The following OARD1 variants were observed in gnomAD, a reference collection of about 807,000 sequenced individuals.
OARD1 encodes the protein O-acyl-ADP-ribose deacylase 1.
Under a neutral mutation model 19.7 loss-of-function variants are expected in OARD1, and 19 were observed. The observed-to-expected ratio is 0.96, with a 90% CI of 0.67 to 1.41. The LOEUF is 1.41. Among genes scored for constraint, OARD1 ranks in the 40% most tolerant of loss-of-function variants. The pLI is 0.00. For synonymous variants in OARD1, 70 were observed against 61.8 expected, an observed-to-expected ratio of 1.13 and a Z score of -0.62; for missense variants, 190 against 183.8, an observed-to-expected ratio of 1.03 and a Z score of -0.20.
chr6:41,068,767 T>C (rs933991923), intron 5 of OARD1, 74 bp downstream of exon 5: 25 of 867,732 alleles, frequency 2.9e-5, no homozygotes, highest in Non-Finnish European at 3.6e-5. Flanking sequence ...AGCTTTTAAG[T>C]TGTTTGTCTT....
intron 1 of OARD1, chr6:41,083,983 C>A: frequency 6.8e-7 from 1 of 1,473,930 alleles, no homozygotes; most frequent in South Asian, 1.4e-5. Flanking sequence ...CAGTGATTGT[C>A]TTTTGGTAAA....
intron 1 of OARD1, among the ~76,000 whole-genome samples, chr6:41,085,570 A>G (rs927356980): frequency 6.6e-6 from 1 of 152,152 alleles, no homozygotes; most frequent in Non-Finnish European, 1.5e-5. Context: ...CTAAATGTTT[A>G]TATTGTTTCA....
chr6:41,089,984 G>A (rs893825576), intron 1 of OARD1, among the ~76,000 whole-genome samples: 1 of 152,170 alleles, frequency 6.6e-6, no homozygotes, highest in Admixed American at 6.5e-5. Context: ...GGTGGCGCAT[G>A]CCTGTAATCC....
At chr6:41,078,514 T>C (rs1413436137) in intron 1 of OARD1, among the ~76,000 whole-genome samples, 2 of 152,250 alleles carry the variant, frequency 1.3e-5, no homozygotes, top group Non-Finnish European at 2.9e-5. Flanking sequence ...GAAGTCTTTA[T>C]TAAAGGTTCT....
chr6:41,071,803 C>T (rs911064861), intron 1 of OARD1, 128 bp from the exon 2 acceptor site: 14 of 608,302 alleles, frequency 2.3e-5, no homozygotes, highest in African/African-American at 3.7e-5. Context: ...TTTGTTCGGC[C>T]CCTGGGACGT....
chr6:41,089,555 C>CT, intron 1 of OARD1: 1 of 1,591,096 alleles, frequency 6.3e-7, no homozygotes, highest in East Asian at 2.3e-5. Context: ...GAGTACAATC[C>CT]TTTTTTTATG....
chr6:41,073,777 T>G (rs1056562515), upstream of OARD1, among the ~76,000 whole-genome samples: 3 of 151,974 alleles, frequency 2.0e-5, no homozygotes, highest in East Asian at 5.8e-4. Flanking sequence ...CTCCCCCTGC[T>G]CCGCCGCGCC....
chr6:41,090,150 C>A, intron 1 of OARD1: 1 of 1,190,468 alleles, frequency 8.4e-7, no homozygotes, highest in South Asian at 1.2e-5. Context: ...CTACATCGTT[C>A]TTTGTTAGTA....
chr6:41,071,231 A>T lies in OARD1; in HGVS notation c.85T>A (p.Ser29Thr). 1.2e-6 allele frequency: 2 copies of T among 1,614,100 alleles called. No individual in the cohort carries two copies. Among genetic ancestry groups the T allele is most frequent in the African/African-American group, 1.3e-5 (1 of 75,064 alleles). The change falls in exon 3 of 6, where the codon TCT becomes ACT. Residue 29 changes from serine (S) to threonine (T), a missense_variant. Physicochemically the swap from Ser to Thr is moderately conservative, Grantham distance 58. Transcript: ENST00000424266. ...GDLFACPKTD[S>T]LAHCISEDCR... ...TCCTCACTGATACAGTGGGCTAAAG[A>T]GTCTGTTTTCGGGCATGCAAAAAGG... is the stretch of plus-strand genomic sequence containing the variant.
intron 1 of OARD1, among the ~76,000 whole-genome samples, chr6:41,082,934 C>T (rs370939755): frequency 5.5e-4 from 83 of 152,256 alleles, no homozygotes; most frequent in African/African-American, 1.7e-3. Context: ...GTGGCAGTGG[C>T]GGCGGTGGTG....
upstream of OARD1, chr6:41,075,494 G>A: frequency 6.6e-6 from 1 of 151,782 alleles, no homozygotes; most frequent in South Asian, 2.1e-4. Context: ...GCTTCCACCA[G>A]TCTGCAGAAG....
intron 2 of OARD1, 99 bp from the exon 3 acceptor site, chr6:41,071,375 G>A: frequency 8.2e-7 from 1 of 1,219,228 alleles, no homozygotes; most frequent in Non-Finnish European, 1.2e-6. Context: ...ACCTCTCCCG[G>A]CACCCCTTCC....
At chr6:41,070,794 C>T in intron 3 of OARD1, 1 of 510,470 alleles carries the variant, frequency 2.0e-6, no homozygotes, top group Admixed American at 3.8e-5. Flanking sequence ...GAAGAGGTTT[C>T]TAAATTCCTC....
rs1294053654 is a variant in OARD1 at position 41,066,712 on chromosome 6, C to T, written c.*623G>A. On this transcript the variant is annotated 3_prime_UTR_variant, in exon 6 of 6. Transcript: ENST00000424266. ...TTCTCCTCCCGCTTGGACCCTTTGT[C>T]TGACTGTTTGAAATTAAGTTGCAGG... is the stretch of plus-strand genomic sequence containing the variant. 2 of 152,034 alleles carry T rather than the reference C, an allele frequency of 1.3e-5. No individual in the cohort carries two copies. Among genetic ancestry groups the T allele is most frequent in the African/African-American group, 4.8e-5 (2 of 41,308 alleles). The allele number at this position is 152,034 out of a possible 1,614,324, so 9.4% of individuals were successfully genotyped here.
chr6:41,067,342 G>C lies in OARD1; in HGVS notation c.452C>G (p.Thr151Arg), dbSNP rs1181064432. The stretch of plus-strand genomic sequence containing the variant: ...TCCAAAATGTTCACTGGTTCAGAGT[G>C]TGTACACAGTAATTTTGATGTCTGT... ...EATDIKITVY[T>R]L The change falls in exon 6 of 6, where the codon ACA becomes AGA. Residue 151 changes from threonine (T) to arginine (R), a missense_variant. By Grantham distance (71) the Thr-to-Arg change is moderately conservative. Coordinates refer to ENST00000424266, the MANE Select transcript of OARD1 (RefSeq NM_001329686.2). The C allele has an allele frequency of 1.9e-6, 3 of 1,599,800 alleles. No homozygotes were observed. Among genetic ancestry groups the C allele is most frequent in the African/African-American group, 1.3e-5 (1 of 74,660 alleles).
In OARD1 at chr6:41,079,236, A is replaced by G. The variant is rs1027537136; in HGVS notation, c.-41-7561T>C. 2.0e-4 allele frequency: 284 copies of G among 1,412,900 alleles called. 3 individuals are homozygous for G. In the South Asian group the frequency reaches 3.0e-3, roughly 15 times the overall value. 87.5% of individuals were successfully genotyped at this position (1,412,900 alleles called of 1,614,324 possible). On this transcript the variant is annotated intron_variant, in intron 1 of 4. Transcript: ENST00000480585. ...ACAGCACCACTCAATTGGTTGGTCT[A>G]TTGCCCTGGGGAATTATTTGAAAGA...
At chr6:41,089,448 G>T in intron 1 of OARD1, 1 of 944,680 alleles carries the variant, frequency 1.1e-6, no homozygotes. Context: ...TCATAATGGA[G>T]GGCAGAGCAG....
intron 1 of OARD1, among the ~76,000 whole-genome samples, chr6:41,080,135 G>T (rs1763866240): frequency 6.6e-6 from 1 of 152,168 alleles, no homozygotes; most frequent in South Asian, 2.1e-4. Flanking sequence ...TCTTAAAGCA[G>T]TCCAGTTGGG....
rs574867267 is a variant in OARD1 at position 41,070,851 on chromosome 6, A to C, written c.184+281T>G. ...TGGTAAGTAAAGGATCTTGAATGCCAACCTATAGACTAAGCATCTCAGAGT... is the reference window on the plus strand; with the variant it reads ...TGGTAAGTAAAGGATCTTGAATGCCCACCTATAGACTAAGCATCTCAGAGT... On this transcript the variant is annotated intron_variant, in intron 3 of 5. Coordinates refer to ENST00000424266, the MANE Select transcript of OARD1 (RefSeq NM_001329686.2). 5 of 582,550 alleles carry C rather than the reference A, an allele frequency of 8.6e-6. No homozygotes were observed. In the Admixed American group the frequency reaches 1.3e-4, roughly 15 times the overall value. 36.1% of individuals were successfully genotyped at this position (582,550 alleles called of 1,614,324 possible).
Sources: gnomAD v4.1 joint callset for allele counts (sites outside exome capture counted in the v4.1 genomes callset) on GRCh38, gnomAD v4.1.1 for gene constraint, MANE v1.5 for transcripts, NCBI Gene and HGNC (gene_info 2026-07-23, HGNC 2026-07-21) for gene names.